The following MCU variants were observed in gnomAD, a reference collection of about 807,000 sequenced individuals.
MCU encodes calcium uniporter protein, mitochondrial.
Under a neutral mutation model 45.2 loss-of-function variants are expected in MCU, and 12 were observed. That is an observed-to-expected ratio of 0.27 (90% CI 0.17 to 0.43). MCU has a LOEUF of 0.43. Ranked by LOEUF, MCU falls within the 20% of genes least tolerant of loss-of-function variation. MCU has a pLI of 1.00. For missense variants in MCU, 324 were observed against 436.7 expected (o/e 0.74, Z 2.30); for synonymous variants, 160 against 165.1 (o/e 0.97, Z 0.24).
intron 2 of MCU, among the ~76,000 whole-genome samples, chr10:72,848,859 G>A (rs968003792): frequency 6.6e-6 from 1 of 152,144 alleles, no homozygotes; most frequent in African/African-American, 2.4e-5. Context: ...GTGGAAAATT[G>A]AACTGGAGCA....
intron 1 of MCU, among the ~76,000 whole-genome samples, chr10:72,717,875 A>G (rs990012687): frequency 6.6e-6 from 1 of 152,212 alleles, no homozygotes; most frequent in Non-Finnish European, 1.5e-5. Context: ...GGACTTTTAA[A>G]AATAAATTTT....
chr10:72,793,706 A>AATAT (rs1296747593), intron 1 of MCU, among the ~76,000 whole-genome samples: 1 of 152,048 alleles, frequency 6.6e-6, no homozygotes, highest in Non-Finnish European at 1.5e-5. Flanking sequence ...TGTAGGCTCG[A>AATAT]ATATATCTAC....
intron 2 of MCU, among the ~76,000 whole-genome samples, chr10:72,857,123 C>T (rs1333509195): frequency 6.6e-6 from 1 of 151,806 alleles, no homozygotes. Flanking sequence ...ACTTTTGATT[C>T]TTCAAAGAAG....
At chr10:72,770,483 A>AT (rs1264140392) in intron 1 of MCU, among the ~76,000 whole-genome samples, 1 of 151,890 alleles carries the variant, frequency 6.6e-6, no homozygotes, top group Non-Finnish European at 1.5e-5. Context: ...GTGCTATTAC[A>AT]TTTTCTCAGT....
intron 1 of MCU, among the ~76,000 whole-genome samples, chr10:72,831,695 T>C (rs1844881521): frequency 6.6e-6 from 1 of 152,148 alleles, no homozygotes; most frequent in Non-Finnish European, 1.5e-5. Context: ...GGAGTACCCA[T>C]TGATGAGATT....
intron 1 of MCU, among the ~76,000 whole-genome samples, chr10:72,812,398 G>A (rs1318482864): frequency 2.0e-5 from 3 of 152,072 alleles, no homozygotes; most frequent in South Asian, 2.1e-4. Flanking sequence ...CGCCCGCCTC[G>A]GCTTCCCAAA....
intron 2 of MCU, among the ~76,000 whole-genome samples, chr10:72,845,164 T>C (rs1421436872): frequency 6.6e-6 from 1 of 152,152 alleles, no homozygotes; most frequent in Non-Finnish European, 1.5e-5. Context: ...TGTGATTGAT[T>C]AGCATTGTAA....
chr10:72,749,865 C>T (rs1318971267), intron 1 of MCU, among the ~76,000 whole-genome samples: 2 of 151,946 alleles, frequency 1.3e-5, no homozygotes, highest in Non-Finnish European at 2.9e-5. Flanking sequence ...CTCCCAGGTT[C>T]AAGTGATTCT....
At chr10:72,816,977 C>T (rs1057412616) in intron 1 of MCU, among the ~76,000 whole-genome samples, 2 of 152,122 alleles carry the variant, frequency 1.3e-5, no homozygotes, top group Non-Finnish European at 2.9e-5. Context: ...TATTTCTTTA[C>T]TAGTGATTTA....
intron 6 of MCU, among the ~76,000 whole-genome samples, chr10:72,878,933 C>T (rs1192670738): frequency 6.6e-6 from 1 of 152,110 alleles, no homozygotes; most frequent in African/African-American, 2.4e-5. Context: ...CATCCATTTA[C>T]AGATTTAAGA....
chr10:72,700,300 A>AT (rs1194843736), intron 1 of MCU, among the ~76,000 whole-genome samples: 5 of 151,568 alleles, frequency 3.3e-5, no homozygotes, highest in Non-Finnish European at 7.4e-5. Flanking sequence ...GCCTCAGGTG[A>AT]TCCCCCCACT....
intron 1 of MCU, among the ~76,000 whole-genome samples, chr10:72,785,883 C>T: frequency 6.6e-6 from 1 of 152,122 alleles, no homozygotes; most frequent in Non-Finnish European, 1.5e-5. Context: ...CCCAGCAACT[C>T]TTAATAGGTG....
intron 1 of MCU, among the ~76,000 whole-genome samples, chr10:72,788,871 A>C (rs1272363629): frequency 6.6e-6 from 1 of 152,210 alleles, no homozygotes; most frequent in Non-Finnish European, 1.5e-5. Context: ...ACTGCAGTGA[A>C]CCAGGTGGTT....
intron 2 of MCU, among the ~76,000 whole-genome samples, chr10:72,834,917 G>A (rs1422750668): frequency 6.6e-6 from 1 of 152,174 alleles, no homozygotes; most frequent in African/African-American, 2.4e-5. Flanking sequence ...CTCCCAAAGT[G>A]CTGGGATTAT....
intron 1 of MCU, among the ~76,000 whole-genome samples, chr10:72,831,800 C>T (rs1844882824): frequency 6.6e-6 from 1 of 151,940 alleles, no homozygotes; most frequent in Admixed American, 6.6e-5. Flanking sequence ...CAAAGGTAAT[C>T]GCTATTGCAA....
At position 72,847,222 on chromosome 10, in the gene MCU, G is replaced by A. The variant is rs1324274025; in HGVS notation, c.221-11955G>A. ...ACTCCTGACCTCAAGTAATCTGCCC[G>A]ACTCGGCCTCCCAAAGTGCTGGGAT... is the stretch of plus-strand genomic sequence containing the variant. On this transcript the variant is annotated intron_variant, in intron 2 of 7. Transcript: ENST00000373053. 3.3e-5 allele frequency among the ~76,000 whole-genome samples: 5 copies of A among 152,090 alleles called. No individual in the cohort carries two copies. The East Asian group carries it at 7.7e-4, about 23-fold the overall frequency.
intron 1 of MCU, among the ~76,000 whole-genome samples, chr10:72,706,488 GTATT>G (rs1842821375): frequency 6.7e-6 from 1 of 148,954 alleles, no homozygotes; most frequent in Non-Finnish European, 1.5e-5. Flanking sequence ...AAAAGTGTCG[GTATT>G]TATTTCTTTG....
chr10:72,758,731 A>G (rs1226273583), intron 1 of MCU, among the ~76,000 whole-genome samples: 7 of 152,214 alleles, frequency 4.6e-5, no homozygotes, highest in Non-Finnish European at 8.8e-5. Flanking sequence ...ACAGAATCAT[A>G]AAGGTAATTA....
Position 72,884,263 on chromosome 10 carries a change from T to A in MCU, c.862-3T>A, listed in dbSNP as rs929827101. On this transcript the variant is annotated splice_polypyrimidine_tract_variant and splice_region_variant and intron_variant, in intron 6 of 7. Transcript: ENST00000373053. ...TGATAATTCCGTTTCTTCATTTTTT[T>A]AGGAATATGTTTATCCAGAAGCCAG... 3 of 1,541,014 alleles carry A rather than the reference T, an allele frequency of 1.9e-6. No homozygotes were observed. The highest frequency in any genetic ancestry group is 1.1e-5 in the South Asian group (1 of 89,224).
Sources: gnomAD v4.1 joint callset for allele counts (sites outside exome capture counted in the v4.1 genomes callset) on GRCh38, gnomAD v4.1.1 for gene constraint, MANE v1.5 for transcripts, NCBI Gene and HGNC (gene_info 2026-07-23, HGNC 2026-07-21) for gene names.